Variants in ZNRF1 observed in about 807,000 individuals in gnomAD.
ZNRF1 encodes the protein zinc and ring finger 1, also known as E3 ubiquitin-protein ligase ZNRF1.
Under a neutral mutation model 18.4 loss-of-function variants are expected in ZNRF1, and 3 were observed. The observed-to-expected ratio is 0.16, with a 90% CI of 0.07 to 0.42. ZNRF1 has a LOEUF of 0.42. Ranked by LOEUF, ZNRF1 falls within the 10% of genes least tolerant of loss-of-function variation. ZNRF1 has a pLI of 0.99. For synonymous variants in ZNRF1, 157 were observed against 144.2 expected, an observed-to-expected ratio of 1.09 and a Z score of -0.64; for missense variants, 310 against 329.8, an observed-to-expected ratio of 0.94 and a Z score of 0.47.
chr16:75,016,219 G>A (rs117327331), intron 1 of ZNRF1, among the ~76,000 whole-genome samples: 1,551 of 150,688 alleles, frequency 0.01, 20 homozygotes, highest in Non-Finnish European at 0.013. Context: ...CACCGCGCCC[G>A]GCCGCTAATA....
chr16:75,095,751 G>T, intron 2 of ZNRF1: 1 of 1,522,590 alleles, frequency 6.6e-7, no homozygotes, highest in Non-Finnish European at 8.9e-7. Context: ...AACCGGGAAG[G>T]TGAGGCTGTC....
chr16:75,101,586 C>T (rs2036256106), intron 2 of ZNRF1, among the ~76,000 whole-genome samples: 4 of 152,270 alleles, frequency 2.6e-5, no homozygotes. Flanking sequence ...ATAGCACATG[C>T]ACCACCTGGA....
intron 1 of ZNRF1, among the ~76,000 whole-genome samples, chr16:75,024,628 A>G (rs903188409): frequency 6.6e-6 from 1 of 152,244 alleles, no homozygotes; most frequent in Non-Finnish European, 1.5e-5. Flanking sequence ...AGAAAGAGGC[A>G]GCATTTGCAG....
chr16:75,070,020 C>G (rs1049498016), intron 1 of ZNRF1, among the ~76,000 whole-genome samples: 1 of 152,182 alleles, frequency 6.6e-6, no homozygotes, highest in Non-Finnish European at 1.5e-5. Flanking sequence ...AATAACATGT[C>G]CAAGAGAGTA....
At chr16:75,054,940 T>C (rs2035649942) in intron 1 of ZNRF1, among the ~76,000 whole-genome samples, 1 of 152,220 alleles carries the variant, frequency 6.6e-6, no homozygotes, top group Admixed American at 6.5e-5. Context: ...TTCTCCTGTC[T>C]AGCTGTCTTG....
chr16:75,019,964 G>C (rs2035122905), intron 1 of ZNRF1, among the ~76,000 whole-genome samples: 2 of 152,188 alleles, frequency 1.3e-5, no homozygotes, highest in South Asian at 4.1e-4. Flanking sequence ...TCCCACCTTG[G>C]CCTCCCAAAG....
chr16:75,076,912 C>T (rs989418492), intron 1 of ZNRF1, among the ~76,000 whole-genome samples: 1 of 151,860 alleles, frequency 6.6e-6, no homozygotes, highest in African/African-American at 2.4e-5. Context: ...AGGGAGAGGC[C>T]CTCACCACAC....
chr16:75,029,893 G>A (rs12445215), intron 1 of ZNRF1, among the ~76,000 whole-genome samples: 60,117 of 151,544 alleles, frequency 0.4, 14,669 homozygotes, highest in Non-Finnish European at 0.55. Context: ...AAATTAGCCA[G>A]GTGAAGAAAA....
chr16:75,098,494 C>A, intron 2 of ZNRF1, among the ~76,000 whole-genome samples: 1 of 152,374 alleles, frequency 6.6e-6, no homozygotes, highest in Middle Eastern at 3.4e-3. Flanking sequence ...CTCAAGGTCA[C>A]CCTGTTGCCT....
chr16:75,028,141 C>G (rs544738648), intron 1 of ZNRF1, among the ~76,000 whole-genome samples: 13 of 152,298 alleles, frequency 8.5e-5, no homozygotes, highest in South Asian at 2.1e-4. Context: ...TCCAACCTTC[C>G]TCTGCTCTCT....
chr16:75,087,381 C>T (rs1016182513), intron 1 of ZNRF1, among the ~76,000 whole-genome samples: 3 of 152,220 alleles, frequency 2.0e-5, no homozygotes, highest in Non-Finnish European at 4.4e-5. Flanking sequence ...GAGCTCTGCT[C>T]TCTGGTACAG....
intron 1 of ZNRF1, 140 bp downstream of exon 1, chr16:75,000,235 A>C (rs6564195): frequency 8.1e-7 from 1 of 1,238,332 alleles, no homozygotes; most frequent in African/African-American, 1.5e-5. Flanking sequence ...GCCAAGGGAT[A>C]AATGGGATAC....
intron 1 of ZNRF1, among the ~76,000 whole-genome samples, chr16:75,074,443 T>C (rs760871428): frequency 5.3e-5 from 8 of 152,192 alleles, no homozygotes; most frequent in Non-Finnish European, 1.0e-4. Context: ...GCCTTTACTA[T>C]CACATTGTGA....
intron 1 of ZNRF1, among the ~76,000 whole-genome samples, chr16:75,001,444 G>A (rs933443445): frequency 6.6e-6 from 1 of 152,198 alleles, no homozygotes; most frequent in East Asian, 1.9e-4. Flanking sequence ...ATCTCTGACA[G>A]ACCTCCGGAT....
chr16:75,070,157 C>T (rs777789360), intron 1 of ZNRF1, among the ~76,000 whole-genome samples: 18 of 152,174 alleles, frequency 1.2e-4, no homozygotes, highest in Non-Finnish European at 2.1e-4. Context: ...CCAGATGTCC[C>T]TTCTGGATTC....
intron 1 of ZNRF1, among the ~76,000 whole-genome samples, chr16:75,001,802 G>A (rs1002678982): frequency 6.6e-6 from 1 of 152,092 alleles, no homozygotes; most frequent in Non-Finnish European, 1.5e-5. Flanking sequence ...TATTTATTAT[G>A]CTACTACCAG....
At chr16:75,060,473 C>CTT (rs34182819) in intron 1 of ZNRF1, among the ~76,000 whole-genome samples, 138 of 70,238 alleles carry the variant, frequency 2.0e-3, no homozygotes, top group Middle Eastern at 0.013. Flanking sequence ...CTCAGAAAAT[C>CTT]TTTTTTTTTT....
chr16:75,097,101 C>G (rs1331864974), intron 2 of ZNRF1, among the ~76,000 whole-genome samples: 1 of 152,172 alleles, frequency 6.6e-6, no homozygotes, highest in Non-Finnish European at 1.5e-5. Flanking sequence ...TAAGATGGAT[C>G]AACCCGAATG....
intron 1 of ZNRF1, among the ~76,000 whole-genome samples, chr16:75,042,494 T>C (rs148721844): frequency 0.019 from 2,654 of 142,194 alleles, 79 homozygotes; most frequent in African/African-American, 0.064. Context: ...TGTAGCAACA[T>C]CATTTGTTGA....
Sources: gnomAD v4.1 joint callset for allele counts (sites outside exome capture counted in the v4.1 genomes callset) on GRCh38, gnomAD v4.1.1 for gene constraint, MANE v1.5 for transcripts, NCBI Gene and HGNC (gene_info 2026-07-23, HGNC 2026-07-21) for gene names.